SRPK2: variants seen among roughly 807,000 people sequenced by gnomAD.
The protein encoded by SRPK2 is SRSF protein kinase 2.
A neutral mutation model predicts 90.8 loss-of-function variants in SRPK2; 21 were observed. That is an observed-to-expected ratio of 0.23 (90% CI 0.16 to 0.33). The LOEUF is 0.33. Among genes scored for constraint, SRPK2 ranks in the 10% least tolerant of loss-of-function variants. The pLI is 1.00. For missense variants in SRPK2, 620 were observed against 869.0 expected (o/e 0.71, Z 3.60); for synonymous variants, 288 against 311.1 (o/e 0.93, Z 0.78).
At chr7:105,214,156 C>G (rs1189440044) in intron 2 of SRPK2, among the ~76,000 whole-genome samples, 1 of 152,168 alleles carries the variant, frequency 6.6e-6, no homozygotes, top group Admixed American at 6.5e-5. Flanking sequence ...TAGAACATTT[C>G]TATCACCACA....
chr7:105,265,740 C>T (rs916213685), intron 2 of SRPK2, among the ~76,000 whole-genome samples: 1 of 151,780 alleles, frequency 6.6e-6, no homozygotes, highest in Non-Finnish European at 1.5e-5. Flanking sequence ...TCAACAGGCA[C>T]TCAAAAAAAA....
intron 2 of SRPK2, among the ~76,000 whole-genome samples, chr7:105,376,119 C>A (rs1455532652): frequency 2.7e-5 from 4 of 150,640 alleles, no homozygotes; most frequent in African/African-American, 4.9e-5. Context: ...CTCAGCCTCC[C>A]GTGCAGCTGG....
rs1300999718 is a variant in SRPK2, at chr7:105,160,567, C to G, written c.561G>C (p.Trp187Cys). The change falls in exon 7 of 16, where the codon TGG becomes TGC. Residue 187 changes from tryptophan to cysteine, a missense_variant. Coordinates refer to ENST00000393651, the MANE Select transcript of SRPK2 (RefSeq NM_182692.3). ...FEVLGHHLLK[W>C]IIKSNYQGLP... ...GGCCTTGATAGTTGGATTTGATGAT[C>G]CACTTGAGGAGATGGTGGCCAAGTA... The G allele has an allele frequency of 6.2e-7, 1 of 1,613,714 alleles. No homozygotes were observed. Among genetic ancestry groups the G allele is most frequent in the Non-Finnish European group, 8.5e-7 (1 of 1,179,776 alleles).
chr7:105,243,033 G>T (rs962548328), intron 2 of SRPK2, among the ~76,000 whole-genome samples: 2 of 152,028 alleles, frequency 1.3e-5, no homozygotes, highest in Non-Finnish European at 2.9e-5. Context: ...CCTTTTTAGA[G>T]ACACGGTCTC....
At chr7:105,333,332 TTAAG>T (rs1342659420) in intron 2 of SRPK2, among the ~76,000 whole-genome samples, 2 of 152,204 alleles carry the variant, frequency 1.3e-5, no homozygotes, top group African/African-American at 2.4e-5. Flanking sequence ...GTAACAAATA[TTAAG>T]TAATAACATT....
intron 2 of SRPK2, among the ~76,000 whole-genome samples, chr7:105,333,606 C>A (rs749015205): frequency 4.6e-5 from 7 of 152,204 alleles, no homozygotes; most frequent in Non-Finnish European, 1.0e-4. Context: ...GAGCCAATCT[C>A]TTTCCTGCTT....
chr7:105,327,502 T>C (rs1402707683), intron 2 of SRPK2, among the ~76,000 whole-genome samples: 2 of 152,148 alleles, frequency 1.3e-5, no homozygotes, highest in Admixed American at 1.3e-4. Flanking sequence ...TCCTGACCTC[T>C]CTCCTCCCTG....
intron 2 of SRPK2, among the ~76,000 whole-genome samples, chr7:105,379,652 A>C (rs1820712734): frequency 1.3e-5 from 2 of 152,146 alleles, no homozygotes; most frequent in Admixed American, 1.3e-4. Flanking sequence ...GTATAAATAA[A>C]TGTAAAAAAA....
chr7:105,329,306 G>A (rs1813988713), intron 2 of SRPK2, among the ~76,000 whole-genome samples: 1 of 152,178 alleles, frequency 6.6e-6, no homozygotes, highest in African/African-American at 2.4e-5. Context: ...AATGTGGATG[G>A]ATAAGGTAGT....
intron 7 of SRPK2, among the ~76,000 whole-genome samples, chr7:105,156,505 G>GT (rs1806514229): frequency 1.3e-5 from 2 of 152,132 alleles, no homozygotes; most frequent in Non-Finnish European, 1.5e-5. Flanking sequence ...ATTTTTGTTT[G>GT]TTTTTTGTTT....
At chr7:105,136,053 C>T (rs1352710058) in intron 11 of SRPK2, among the ~76,000 whole-genome samples, 4 of 152,200 alleles carry the variant, frequency 2.6e-5, no homozygotes, top group Non-Finnish European at 2.9e-5. Context: ...GCATAAGCCA[C>T]CGCACCTGGC....
intron 2 of SRPK2, among the ~76,000 whole-genome samples, chr7:105,278,406 G>A (rs554207395): frequency 2.0e-5 from 3 of 151,764 alleles, no homozygotes; most frequent in Admixed American, 1.3e-4. Context: ...GGGCGCAGTG[G>A]CTCACAACTG....
chr7:105,179,824 CAAAAAAA>C (rs1185836588), intron 3 of SRPK2, among the ~76,000 whole-genome samples: 1 of 60,272 alleles, frequency 1.7e-5, no homozygotes. Context: ...GAGTCCATCT[CAAAAAAA>C]AAAAAAAAAA....
At chr7:105,171,698 T>C (rs1396907226) in intron 3 of SRPK2, among the ~76,000 whole-genome samples, 3 of 152,230 alleles carry the variant, frequency 2.0e-5, no homozygotes, top group Non-Finnish European at 4.4e-5. Context: ...TTCTTACCCT[T>C]CTACTGCCTC....
chr7:105,347,943 C>CTCA (rs1217534652), intron 2 of SRPK2, among the ~76,000 whole-genome samples: 1 of 151,758 alleles, frequency 6.6e-6, no homozygotes, highest in Admixed American at 6.6e-5. Context: ...GTCTCAACTA[C>CTCA]TCATGAAAGA....
intron 3 of SRPK2, among the ~76,000 whole-genome samples, chr7:105,201,852 C>G (rs1423755026): frequency 2.0e-5 from 3 of 151,924 alleles, no homozygotes; most frequent in African/African-American, 7.3e-5. Context: ...CCATTGCACT[C>G]CAGCCTGGGC....
intron 3 of SRPK2, among the ~76,000 whole-genome samples, chr7:105,202,060 C>A (rs1795628306): frequency 6.6e-6 from 1 of 152,086 alleles, no homozygotes; most frequent in Admixed American, 6.5e-5. Flanking sequence ...CTGCATAGAT[C>A]TTTGGGGTTG....
At chr7:105,358,667 C>A (rs1280910759) in intron 2 of SRPK2, among the ~76,000 whole-genome samples, 1 of 151,640 alleles carries the variant, frequency 6.6e-6, no homozygotes, top group African/African-American at 2.4e-5. Flanking sequence ...GCCTGGGCAA[C>A]AGAACAAGAG....
chr7:105,371,686 G>A (rs919790119), intron 2 of SRPK2, among the ~76,000 whole-genome samples: 4 of 151,612 alleles, frequency 2.6e-5, no homozygotes, highest in Admixed American at 6.6e-5. Context: ...CTAGAGTCCA[G>A]GAGGTCAAGG....
Sources: gnomAD v4.1 joint callset for allele counts (sites outside exome capture counted in the v4.1 genomes callset) on GRCh38, gnomAD v4.1.1 for gene constraint, MANE v1.5 for transcripts, NCBI Gene and HGNC (gene_info 2026-07-23, HGNC 2026-07-21) for gene names.